Variants in CHN1 observed in about 807,000 individuals in gnomAD.
CHN1 encodes the protein N-chimaerin.
CHN1 carries 37 observed loss-of-function variants against 59.5 expected under a neutral mutation model. The ratio of observed to expected loss-of-function variants is 0.62; its 90% CI spans 0.48 to 0.82. CHN1 has a LOEUF of 0.82. Ranked by LOEUF, CHN1 falls within the 40% of genes least tolerant of loss-of-function variation. The pLI is 0.00. For missense variants in CHN1, 469 were observed against 571.0 expected (o/e 0.82, Z 1.82); for synonymous variants, 206 against 200.4 (o/e 1.03, Z -0.24).
At chr2:174,876,469 G>T (rs1687568521) in intron 6 of CHN1, among the ~76,000 whole-genome samples, 1 of 152,096 alleles carries the variant, frequency 6.6e-6, no homozygotes, top group Non-Finnish European at 1.5e-5. Flanking sequence ...CAGAAAATGG[G>T]AACTAGACCA....
intron 6 of CHN1, among the ~76,000 whole-genome samples, chr2:174,867,653 A>C (rs1687266713): frequency 6.6e-6 from 1 of 152,168 alleles, no homozygotes; most frequent in Non-Finnish European, 1.5e-5. Flanking sequence ...TGAATGAATA[A>C]AAAAATTAAA....
intron 1 of CHN1, among the ~76,000 whole-genome samples, chr2:174,999,135 T>C (rs545960070): frequency 1.3e-5 from 2 of 152,218 alleles, no homozygotes; most frequent in South Asian, 2.1e-4. Flanking sequence ...TTTTGTCCTA[T>C]CCTATTTTTA....
rs1311514110 is a variant in CHN1, at chr2:174,954,063, CA to C, written c.20-1862del. ...AACTATACTATAAGGCCATAGTTAC[CA>C]AAACAGCATAGTACTGGTATCAAAA... On this transcript the variant is annotated intron_variant, in intron 1 of 12. Coordinates refer to ENST00000409900, the MANE Select transcript of CHN1 (RefSeq NM_001822.7). Among the ~76,000 whole-genome samples the C allele has an allele frequency of 5.9e-5, 9 of 152,196 alleles. No homozygotes were observed. In the South Asian group the frequency reaches 1.7e-3, roughly 28 times the overall value.
intron 1 of CHN1, among the ~76,000 whole-genome samples, chr2:174,954,992 T>C (rs185826618): frequency 3.3e-5 from 5 of 151,876 alleles, no homozygotes; most frequent in Non-Finnish European, 7.4e-5. Flanking sequence ...TGCACACGCA[T>C]GTTTATAGCA....
At chr2:174,911,844 C>T (rs973528881) in intron 5 of CHN1, among the ~76,000 whole-genome samples, 1 of 152,132 alleles carries the variant, frequency 6.6e-6, no homozygotes, top group Non-Finnish European at 1.5e-5. Flanking sequence ...AACCTTACAA[C>T]CTTGCTGATC....
At chr2:174,993,926 G>C (rs1228472707) in intron 1 of CHN1, among the ~76,000 whole-genome samples, 1 of 152,066 alleles carries the variant, frequency 6.6e-6, no homozygotes, top group Non-Finnish European at 1.5e-5. Context: ...AAAACTAATA[G>C]GAAGGTTCCT....
chr2:174,987,987 C>T (rs1691404448), intron 1 of CHN1, among the ~76,000 whole-genome samples: 2 of 151,980 alleles, frequency 1.3e-5, no homozygotes, highest in African/African-American at 4.8e-5. Context: ...AAAAACCCTC[C>T]AAAATTTTCA....
At chr2:174,877,768 T>G (rs1419020548) in intron 6 of CHN1, 72 bp downstream of exon 6, 1 of 1,398,698 alleles carries the variant, frequency 7.1e-7, no homozygotes, top group African/African-American at 1.4e-5. Context: ...AATCAATCTC[T>G]TCTGGCAATA....
At chr2:174,974,939 A>ACACACACACACAC (rs1690875938) in intron 1 of CHN1, among the ~76,000 whole-genome samples, 1 of 151,508 alleles carries the variant, frequency 6.6e-6, no homozygotes, top group Admixed American at 6.6e-5. Context: ...ACACACACAG[A>ACACACACACACAC]ACAAATCGAC....
At chr2:174,961,518 G>A (rs1294182559) in intron 1 of CHN1, among the ~76,000 whole-genome samples, 4 of 151,900 alleles carry the variant, frequency 2.6e-5, no homozygotes, top group African/African-American at 9.7e-5. Context: ...TTGAACCCGG[G>A]AGGCGGAGGT....
At chr2:174,846,043 T>A (rs182397449) in intron 7 of CHN1, among the ~76,000 whole-genome samples, 5 of 152,284 alleles carry the variant, frequency 3.3e-5, no homozygotes, top group African/African-American at 4.8e-5. Flanking sequence ...AAGAACCGCA[T>A]CACAAAGTTG....
intron 1 of CHN1, among the ~76,000 whole-genome samples, chr2:174,998,755 A>G (rs1425516721): frequency 6.6e-6 from 1 of 152,224 alleles, no homozygotes; most frequent in Non-Finnish European, 1.5e-5. Context: ...TTTACCTATC[A>G]ATTTTTAATT....
chr2:174,915,808 TATAACA>T (rs1420272331), intron 4 of CHN1, among the ~76,000 whole-genome samples: 2 of 152,166 alleles, frequency 1.3e-5, no homozygotes, highest in Non-Finnish European at 2.9e-5. Flanking sequence ...CAGATGAACC[TATAACA>T]ATCTGGCATA....
Position 174,912,691 on chromosome 2 carries a change from A to G in CHN1, c.260+2367T>C, listed in dbSNP as rs78814495. ...GGAGTATCAGATAAGAATAATACAT[A>G]TATCGGTGCAACTTCTATTTCAGAC... On this transcript the variant is annotated intron_variant, in intron 5 of 12. Transcript: ENST00000409900. 9.4e-3 allele frequency among the ~76,000 whole-genome samples: 1,427 copies of G among 152,312 alleles called. 24 individuals are homozygous for G. Among genetic ancestry groups the G allele is most frequent in the African/African-American group, 0.032 (1,342 of 41,564 alleles).
chr2:174,877,841 C>A lies in CHN1; in HGVS notation c.548G>T (p.Arg183Met). 1.2e-6 allele frequency: 2 copies of A among 1,610,274 alleles called. No individual in the cohort carries two copies. Among genetic ancestry groups the A allele is most frequent in the Non-Finnish European group, 1.7e-6 (2 of 1,177,792 alleles). The part of the protein sequence containing the change: ...STGQDGVSEK[R>M]LTSLVRRATL... ...AAGTGTGGTTTCATAGTAGCTTACC[C>A]TTTTCTCTGACACCCCATCCTGGCC... The change falls in exon 6 of 13, where the codon AGG becomes ATG. Residue 183 changes from arginine to methionine, a missense_variant and splice_region_variant. Arg to Met is a moderately conservative substitution (Grantham distance 91, BLOSUM62 -1). Transcript: ENST00000409900.
chr2:174,964,158 C>T (rs1226988237), intron 1 of CHN1, among the ~76,000 whole-genome samples: 1 of 152,170 alleles, frequency 6.6e-6, no homozygotes, highest in African/African-American at 2.4e-5. Flanking sequence ...GAAGGGTTAA[C>T]AGTAGTGATC....
intron 7 of CHN1, among the ~76,000 whole-genome samples, chr2:174,839,709 T>A (rs1191432944): frequency 6.6e-6 from 1 of 151,940 alleles, no homozygotes; most frequent in Non-Finnish European, 1.5e-5. Context: ...GCCCCAGTGA[T>A]CCTCTCACCT....
At chr2:174,977,843 T>C (rs1037060875) in intron 1 of CHN1, among the ~76,000 whole-genome samples, 9 of 152,202 alleles carry the variant, frequency 5.9e-5, no homozygotes, top group Admixed American at 1.3e-4. Flanking sequence ...TTTATTAACA[T>C]TAGTTCACTA....
chr2:174,877,619 A>G (rs928828341), intron 6 of CHN1, among the ~76,000 whole-genome samples: 12 of 152,192 alleles, frequency 7.9e-5, no homozygotes, highest in African/African-American at 2.9e-4. Context: ...TGTGAAACTG[A>G]TAAAACAGAA....
Sources: allele counts gnomAD v4.1 joint callset (sites outside exome capture counted in the v4.1 genomes callset), GRCh38; gene constraint gnomAD v4.1.1; transcripts MANE v1.5; gene names NCBI Gene and HGNC (gene_info 2026-07-23, HGNC 2026-07-21).